The following B4GALNT2 variants were observed in gnomAD, a reference collection of about 807,000 sequenced individuals.
B4GALNT2 encodes the protein N-acetylneuraminylgalactosylglucosyl-glucoside beta-1,4-N- acetylgalactosaminyltransferase 2.
A neutral mutation model predicts 51.1 loss-of-function variants in B4GALNT2; 42 were observed. That is an observed-to-expected ratio of 0.82 (90% CI 0.64 to 1.06). The LOEUF is 1.06. Ranked by LOEUF, B4GALNT2 falls within the 50% of genes least tolerant of loss-of-function variation. B4GALNT2 has a pLI of 0.00. For missense variants in B4GALNT2, 602 were observed against 633.6 expected, an observed-to-expected ratio of 0.95 and a Z score of 0.54; for synonymous variants, 253 against 251.7, an observed-to-expected ratio of 1.01 and a Z score of -0.05.
In B4GALNT2 at chr17:49,176,758, T is replaced by C. The variant is rs2042991778; in HGVS notation, c.*7030T>C. ...TTTACCTGTAAACTTTTTCTTCCTG[T>C]GGCCTAGGGTAGTTCAGGATCACTA... On this transcript the variant is annotated 3_prime_UTR_variant, in exon 11 of 11. Transcript: ENST00000393354. 6.6e-6 allele frequency: 1 copy of C among 152,244 alleles called. No individual in the cohort carries two copies. Among genetic ancestry groups the C allele is most frequent in the African/African-American group, 2.4e-5 (1 of 41,468 alleles). The allele number at this position is 152,244 out of a possible 1,614,324, so 9.4% of individuals were successfully genotyped here. A position where few individuals can be genotyped will look rare whatever the true frequency, so the allele number is the denominator to read the frequency against.
intron 6 of B4GALNT2, among the ~76,000 whole-genome samples, chr17:49,160,338 A>G (rs953268900): frequency 8.5e-5 from 13 of 152,122 alleles, no homozygotes; most frequent in African/African-American, 3.1e-4. Context: ...CTCACAGGGG[A>G]AGAAATGTGA....
intron 3 of B4GALNT2, 145 bp downstream of exon 3, chr17:49,142,317 A>G: frequency 1.5e-5 from 16 of 1,071,012 alleles, no homozygotes; most frequent in Non-Finnish European, 2.0e-5. Context: ...GGAATGAAAC[A>G]AAGAAGGAAT....
At chr17:49,151,496 C>T (rs2042753438) in intron 3 of B4GALNT2, among the ~76,000 whole-genome samples, 1 of 151,814 alleles carries the variant, frequency 6.6e-6, no homozygotes, top group Non-Finnish European at 1.5e-5. Context: ...ATTTGTAATC[C>T]CAGCACTTTG....
In B4GALNT2 at chr17:49,142,130, TG is replaced by T. The variant is rs765600676; in HGVS notation, c.312del (p.Ala106ArgfsTer39). 36 of 1,613,918 alleles carry T rather than the reference TG, an allele frequency of 2.2e-5. No homozygotes were observed. Among genetic ancestry groups the T allele is most frequent in the Non-Finnish European group, 2.8e-5 (33 of 1,180,014 alleles). The stretch of plus-strand genomic sequence containing the variant: ...TATGGCCAGAGCGACCTCCCAGCGG[TG>T]AAAGCGAGGAGACAGGCTGAATTTG... ...DAYGQSDLPA[V>X]KARRQAEFEH... is the part of the protein sequence containing the mutation. On this transcript the variant is annotated frameshift_variant, in exon 3 of 11. Coordinates refer to ENST00000393354, the MANE Select transcript of B4GALNT2 (RefSeq NM_001159387.2). LOFTEE classifies it high-confidence loss of function.
intron 8 of B4GALNT2, among the ~76,000 whole-genome samples, chr17:49,165,809 G>C (rs1291268819): frequency 6.6e-6 from 1 of 152,086 alleles, no homozygotes; most frequent in Non-Finnish European, 1.5e-5. Context: ...CATAGAAACT[G>C]TCAGGTGAAA....
chr17:49,120,464 T>TTG, the B4GALNT2 span, among the ~76,000 whole-genome samples: 174 of 142,200 alleles, frequency 1.2e-3, no homozygotes, highest in South Asian at 6.6e-3. Context: ...GAGGAGTCTT[T>TTG]TGTGTGTGTG....
chr17:49,153,577 G>A (rs2042780049), intron 4 of B4GALNT2, among the ~76,000 whole-genome samples: 1 of 151,746 alleles, frequency 6.6e-6, no homozygotes. Flanking sequence ...CATGATCTCG[G>A]GTCACTGCAA....
At chr17:49,168,974 T>A (rs956993480) in intron 10 of B4GALNT2, 74 bp downstream of exon 10, 4 of 1,444,062 alleles carry the variant, frequency 2.8e-6, no homozygotes, top group Non-Finnish European at 3.8e-6. Context: ...TTCCAAGGGC[T>A]GTACCCGGCT....
intron 3 of B4GALNT2, among the ~76,000 whole-genome samples, chr17:49,142,770 A>G (rs2042656978): frequency 6.6e-6 from 1 of 152,204 alleles, no homozygotes; most frequent in South Asian, 2.1e-4. Context: ...ATCTGGTGGT[A>G]CATCCTCCAT....
At chr17:49,158,863 G>A (rs1056256291) in intron 5 of B4GALNT2, among the ~76,000 whole-genome samples, 174 bp from the exon 6 acceptor site, 1 of 152,140 alleles carries the variant, frequency 6.6e-6, no homozygotes, top group African/African-American at 2.4e-5. Flanking sequence ...GGGCGGGGGC[G>A]CTAGCACAGT....
At chr17:49,133,027 T>C (rs574176269) in intron 1 of B4GALNT2, 30 of 1,485,650 alleles carry the variant, frequency 2.0e-5, no homozygotes, top group Non-Finnish European at 2.5e-5. Flanking sequence ...CCCCCAGGAA[T>C]GGGGAGCGCT....
intron 1 of B4GALNT2, among the ~76,000 whole-genome samples, chr17:49,140,761 C>T (rs1006387028): frequency 6.7e-6 from 1 of 148,460 alleles, no homozygotes; most frequent in African/African-American, 2.5e-5. Flanking sequence ...GCTCTGTCGC[C>T]AGGCTGGAGT....
chr17:49,162,033 G>C (rs1334625575), intron 7 of B4GALNT2, among the ~76,000 whole-genome samples: 1 of 150,712 alleles, frequency 6.6e-6, no homozygotes, highest in Non-Finnish European at 1.5e-5. Context: ...TGTTGCCCAG[G>C]CTGGAGTGCA....
chr17:49,155,205 G>A (rs899039276), intron 4 of B4GALNT2, among the ~76,000 whole-genome samples: 65 of 150,094 alleles, frequency 4.3e-4, no homozygotes, highest in African/African-American at 1.5e-3. Flanking sequence ...GTACTCGTGA[G>A]GAGAATTGCT....
At chr17:49,133,073 C>G in intron 1 of B4GALNT2, 1 of 1,505,912 alleles carries the variant, frequency 6.6e-7, no homozygotes, top group East Asian at 2.7e-5. Context: ...TGGAAGTGGC[C>G]TCTCGCGGCC....
chr17:49,125,976 G>A, the B4GALNT2 span, among the ~76,000 whole-genome samples: 2 of 151,508 alleles, frequency 1.3e-5, no homozygotes, highest in African/African-American at 4.9e-5. Flanking sequence ...CCTCTGCCCG[G>A]CCGCCACCCC....
intron 4 of B4GALNT2, among the ~76,000 whole-genome samples, chr17:49,155,143 T>A (rs1006050673): frequency 1.3e-5 from 2 of 148,466 alleles, no homozygotes; most frequent in Admixed American, 1.3e-4. Context: ...ACCTTGTCTC[T>A]ACTAAAAATA....
chr17:49,172,137 A>G lies in B4GALNT2; in HGVS notation c.*2409A>G, dbSNP rs553533728. The G allele has an allele frequency of 1.9e-4, 57 of 304,618 alleles. No homozygotes were observed. The highest frequency in any genetic ancestry group is 1.2e-3 in the African/African-American group (54 of 45,356). 18.9% of individuals were successfully genotyped at this position (304,618 alleles called of 1,614,324 possible). On this transcript the variant is annotated 3_prime_UTR_variant, in exon 11 of 11. Transcript: ENST00000393354. ...CTCAGGTTTTCTTCCACCATCTGTG[A>G]CAGCTTCTTGATCTGTCCCCAGGTA...
chr17:49,120,652 T>C, the B4GALNT2 span, among the ~76,000 whole-genome samples: 3 of 151,990 alleles, frequency 2.0e-5, no homozygotes, highest in African/African-American at 7.2e-5. Context: ...ACTACAGGCA[T>C]GCACCACCAT....
Sources: gnomAD v4.1 joint callset for allele counts (sites outside exome capture counted in the v4.1 genomes callset) on GRCh38, gnomAD v4.1.1 for gene constraint, MANE v1.5 for transcripts, NCBI Gene and HGNC (gene_info 2026-07-23, HGNC 2026-07-21) for gene names.